Variants in MFAP5 observed in about 807,000 individuals in gnomAD.
MFAP5 encodes microfibrillar-associated protein 5.
In MFAP5, 19 loss-of-function variants were observed where a neutral mutation model predicts 30.1. That is an observed-to-expected ratio of 0.63 (90% CI 0.44 to 0.93). MFAP5 has a LOEUF of 0.93. Among genes scored for constraint, MFAP5 ranks in the 40% least tolerant of loss-of-function variants. The pLI is 0.00. For synonymous variants in MFAP5, 92 were observed against 72.9 expected, an observed-to-expected ratio of 1.26 and a Z score of -1.33; for missense variants, 210 against 221.3, an observed-to-expected ratio of 0.95 and a Z score of 0.32.
chr12:8,648,442 C>T (rs1482787810), intron 9 of MFAP5: 5 of 1,027,714 alleles, frequency 4.9e-6, no homozygotes, highest in Non-Finnish European at 1.3e-6. Context: ...CCTACCTCAA[C>T]AGTATATTTC....
chr12:8,653,441 T>G (rs748201564), intron 6 of MFAP5, among the ~76,000 whole-genome samples: 2 of 152,136 alleles, frequency 1.3e-5, no homozygotes, highest in Non-Finnish European at 2.9e-5. Flanking sequence ...ATCCTTCCAA[T>G]GCACAAATCT....
rs1721868650 is a variant in MFAP5 at position 8,648,022 on chromosome 12, G to T, written c.*69C>A. The T allele has an allele frequency of 8.3e-7, 1 of 1,204,498 alleles. No individual in the cohort carries two copies. Among genetic ancestry groups the T allele is most frequent in the South Asian group, 1.3e-5 (1 of 77,146 alleles). The allele number at this position is 1,204,498 out of a possible 1,614,324, so 74.6% of individuals were successfully genotyped here. A position where few individuals can be genotyped will look rare whatever the true frequency, so the allele number is the denominator to read the frequency against. On this transcript the variant is annotated 3_prime_UTR_variant, in exon 10 of 10. Coordinates refer to ENST00000359478, the MANE Select transcript of MFAP5 (RefSeq NM_003480.4). The stretch of plus-strand genomic sequence containing the variant: ...TACTGTCTAAGGGTTAGCTGTCAAT[G>T]GTTGGAGAAGAAGGAGATCCTCCTT...
At chr12:8,655,854 T>C in intron 3 of MFAP5, 24 bp from the exon 4 acceptor site, 1 of 1,498,796 alleles carries the variant, frequency 6.7e-7, no homozygotes, top group Non-Finnish European at 9.1e-7. Context: ...TAGAAAACAA[T>C]TTCTGAGATT....
chr12:8,654,777 C>A (rs888340116), intron 5 of MFAP5, among the ~76,000 whole-genome samples: 2 of 151,910 alleles, frequency 1.3e-5, no homozygotes, highest in African/African-American at 4.8e-5. Flanking sequence ...GAAACCCCAT[C>A]TCTAGTAAAA....
intron 2 of MFAP5, 33 bp from the exon 3 acceptor site, chr12:8,660,931 G>A (rs937236003): frequency 6.3e-7 from 1 of 1,579,494 alleles, no homozygotes; most frequent in Non-Finnish European, 8.7e-7. Context: ...AGATGTGAGT[G>A]ACTGCAGCTC....
chr12:8,648,431 A>G, intron 9 of MFAP5: 2 of 996,962 alleles, frequency 2.0e-6, no homozygotes, highest in Non-Finnish European at 2.7e-6. Context: ...GAATTAAAAT[A>G]CCTACCTCAA....
intron 3 of MFAP5, chr12:8,658,626 T>G (rs1241024344): frequency 6.6e-6 from 1 of 152,082 alleles, no homozygotes; most frequent in Non-Finnish European, 1.5e-5. Flanking sequence ...TACATTCCAG[T>G]CCAGCCACTC....
chr12:8,654,361 G>T, intron 6 of MFAP5, 76 bp downstream of exon 6: 1 of 1,406,990 alleles, frequency 7.1e-7, no homozygotes, highest in African/African-American at 1.4e-5. Flanking sequence ...TTCAGCAGCT[G>T]CACACTATCC....
chr12:8,654,398 A>G (rs1941924669), intron 6 of MFAP5, 39 bp downstream of exon 6: 2 of 1,562,654 alleles, frequency 1.3e-6, no homozygotes, highest in African/African-American at 2.7e-5. Flanking sequence ...AAAGCCTAGA[A>G]TGGCCCTGAT....
At chr12:8,649,441 G>T in intron 9 of MFAP5, 60 bp downstream of exon 9, 2 of 1,467,934 alleles carry the variant, frequency 1.4e-6, no homozygotes. Context: ...GTAATATCAT[G>T]TCCCTATCTA....
intron 2 of MFAP5, 121 bp downstream of exon 2, chr12:8,661,926 G>C (rs187839263): frequency 1.0e-6 from 1 of 964,990 alleles, no homozygotes; most frequent in South Asian, 1.4e-5. Flanking sequence ...AGGAATTCCA[G>C]AGCTCAATAC....
At chr12:8,653,173 C>T (rs1354508315) in intron 6 of MFAP5, among the ~76,000 whole-genome samples, 1 of 143,078 alleles carries the variant, frequency 7.0e-6, no homozygotes, top group Non-Finnish European at 1.5e-5. Context: ...GCCTGGGCAA[C>T]AAGACCAAGA....
intron 3 of MFAP5, among the ~76,000 whole-genome samples, chr12:8,656,647 CACAT>C (rs1468910566): frequency 3.6e-4 from 44 of 122,474 alleles, no homozygotes; most frequent in Non-Finnish European, 2.5e-4. Context: ...CACACACACA[CACAT>C]ATATATATAT....
chr12:8,654,250 G>A lies in MFAP5; in HGVS notation c.217+187C>T, dbSNP rs1941921267. On this transcript the variant is annotated intron_variant, in intron 6 of 9. Transcript: ENST00000359478. ...TCTTGAAACTTTGAGAGAAAGATTA[G>A]CACAGTTCCTGTTTGTCAGGTGTTC... The A allele has an allele frequency of 1.6e-5, 9 of 547,054 alleles. No homozygotes were observed. The South Asian group carries it at 2.3e-4, about 14-fold the overall frequency. The allele number at this position is 547,054 out of a possible 1,614,324, so 33.9% of individuals were successfully genotyped here.
rs529272396 is a variant in MFAP5, at chr12:8,656,242, A to G, written c.95-412T>C. On this transcript the variant is annotated intron_variant, in intron 3 of 9. Coordinates refer to ENST00000359478, the MANE Select transcript of MFAP5 (RefSeq NM_003480.4). ...CGCCCGGCTAATTTTTTGTATTTTTAGTAGAGACGGGGTTTCACCGTGGTC... is the reference window on the plus strand; with the variant it reads ...CGCCCGGCTAATTTTTTGTATTTTTGGTAGAGACGGGGTTTCACCGTGGTC... Among the ~76,000 whole-genome samples the G allele has an allele frequency of 2.2e-3, 328 of 151,022 alleles. 2 individuals are homozygous for G. Among genetic ancestry groups the G allele is most frequent in the African/African-American group, 7.7e-3 (317 of 41,110 alleles).
chr12:8,654,940 CAAAAA>C (rs34739708), intron 5 of MFAP5, among the ~76,000 whole-genome samples: 1 of 114,652 alleles, frequency 8.7e-6, no homozygotes. Flanking sequence ...GACTCTGTCT[CAAAAA>C]AAAAAAAAAA....
intron 6 of MFAP5, 143 bp from the exon 7 acceptor site, chr12:8,651,834 A>G: frequency 1.4e-6 from 1 of 738,888 alleles, no homozygotes; most frequent in Non-Finnish European, 2.3e-6. Context: ...AACTTCTAAA[A>G]GAAAACCCTT....
rs745427333 is a variant in MFAP5 at position 8,654,468 on chromosome 12, C to T, written c.186G>A (p.Leu62=). 6.2e-7 allele frequency: 1 copy of T among 1,603,626 alleles called. No homozygotes were observed. The highest frequency in any genetic ancestry group is 8.5e-7 in the Non-Finnish European group (1 of 1,175,202). ...CATCTGTGGAAGGTGCAATATCAGC[C>T]AAAACAGCCAAAACTGAAAAGGCAC... The part of the protein sequence containing the change: ...PATDETVLAV[L]ADIAPSTDDL... Residue 62 remains leucine, a synonymous_variant, in exon 6 of 10, where the codon TTG becomes TTA. Coordinates refer to ENST00000359478, the MANE Select transcript of MFAP5 (RefSeq NM_003480.4).
chr12:8,656,950 G>A (rs1942019620), intron 3 of MFAP5, among the ~76,000 whole-genome samples: 1 of 152,050 alleles, frequency 6.6e-6, no homozygotes, highest in Admixed American at 6.6e-5. Flanking sequence ...TTACAGGTGT[G>A]AGCCACTGCA....
Sources: gnomAD v4.1 joint callset for allele counts (sites outside exome capture counted in the v4.1 genomes callset) on GRCh38, gnomAD v4.1.1 for gene constraint, MANE v1.5 for transcripts, NCBI Gene and HGNC (gene_info 2026-07-23, HGNC 2026-07-21) for gene names.